The following PARP12 variants were observed in gnomAD, a reference collection of about 807,000 sequenced individuals.
The protein encoded by PARP12 is poly(ADP-ribose) polymerase family member 12, also known as protein mono-ADP-ribosyltransferase PARP12.
Under a neutral mutation model 72.4 loss-of-function variants are expected in PARP12, and 59 were observed. That is an observed-to-expected ratio of 0.81 (90% CI 0.66 to 1.01). The LOEUF (loss-of-function observed/expected upper bound fraction) is 1.01. Among genes scored for constraint, PARP12 ranks in the 50% least tolerant of loss-of-function variants. The pLI is 0.00. For missense variants in PARP12, 851 were observed against 914.0 expected (o/e 0.93, Z 0.89); for synonymous variants, 403 against 371.4 (o/e 1.09, Z -0.98).
intron 6 of PARP12, among the ~76,000 whole-genome samples, chr7:140,040,901 G>A (rs1362520713): frequency 6.6e-6 from 1 of 152,170 alleles, no homozygotes; most frequent in Non-Finnish European, 1.5e-5. Context: ...CCGAGTAGCT[G>A]GGACCACAGG....
Position 140,062,730 on chromosome 7 carries a change from C to A in PARP12, c.118G>T (p.Glu40Ter). ...CGCCCACGCTGCCGCAGCAGCCGCT[C>A]CAGCGCGTCGGCGCTCAAGCCCATC... ...LRMGLSADAL[E>*]RLLRQRGRFV... is the part of the protein sequence containing the mutation. Residue 40 changes from glutamate to a stop codon, truncating the protein, a stop_gained, in exon 1 of 12, where the codon GAG becomes TAG. Coordinates refer to ENST00000263549, the MANE Select transcript of PARP12 (RefSeq NM_022750.4). LOFTEE classifies it high-confidence loss of function. 7.3e-7 allele frequency: 1 copy of A among 1,362,656 alleles called. No homozygotes were observed. Among genetic ancestry groups the A allele is most frequent in the Non-Finnish European group, 9.5e-7 (1 of 1,051,064 alleles). 84.4% of individuals were successfully genotyped at this position (1,362,656 alleles called of 1,614,324 possible).
At chr7:140,027,128 G>T in intron 10 of PARP12, 148 bp downstream of exon 10, 1 of 1,133,594 alleles carries the variant, frequency 8.8e-7, no homozygotes. Context: ...TGGGGGAGCG[G>T]ACGAAGGAGA....
Position 140,046,866 on chromosome 7 carries a change from A to C in PARP12, c.986+18T>G, listed in dbSNP as rs956994817. 3.1e-6 allele frequency: 5 copies of C among 1,609,162 alleles called. No homozygotes were observed. The highest frequency in any genetic ancestry group is 4.2e-6 in the Non-Finnish European group (5 of 1,177,454). ...AGAAGCCCAGGCACAAAGCAGAGAC[A>C]AGGGACATATTTCCTACCTTTCTAT... On this transcript the variant is annotated intron_variant, in intron 5 of 11. Transcript: ENST00000263549.
intron 8 of PARP12, among the ~76,000 whole-genome samples, chr7:140,030,267 T>C (rs534513322): frequency 2.6e-5 from 4 of 152,302 alleles, no homozygotes; most frequent in East Asian, 1.9e-4. Context: ...CAAAATTCTA[T>C]ACCCAGTGAA....
chr7:140,041,219 C>G (rs1161245049), intron 6 of PARP12, among the ~76,000 whole-genome samples: 1 of 152,232 alleles, frequency 6.6e-6, no homozygotes. Context: ...TATTTGCCTA[C>G]CTTCTGTAAA....
rs374106508 is a variant in PARP12, at chr7:140,038,054, T to C, written c.1183-198A>G. On this transcript the variant is annotated intron_variant, in intron 6 of 11. Transcript: ENST00000263549. ...ACATGACTGTCTCCTGAAGCTGCCC[T>C]AGCAAACACAATGCAGTAAATATGG... The C allele has an allele frequency of 1.2e-5, 12 of 985,368 alleles. No individual in the cohort carries two copies. The East Asian group carries it at 1.4e-3, about 112-fold the overall frequency. 61.0% of individuals were successfully genotyped at this position (985,368 alleles called of 1,614,324 possible).
intron 7 of PARP12, 182 bp from the exon 8 acceptor site, chr7:140,034,513 T>C (rs1816075638): frequency 2.2e-6 from 1 of 460,822 alleles, no homozygotes; most frequent in Admixed American, 3.5e-5. Context: ...AGAAAATAGG[T>C]ATCCTTAGGA....
At chr7:140,032,467 G>A (rs551758127) in intron 8 of PARP12, among the ~76,000 whole-genome samples, 45 of 152,022 alleles carry the variant, frequency 3.0e-4, no homozygotes, top group Admixed American at 8.5e-4. Flanking sequence ...GTGCACCACC[G>A]CACCTGGCCA....
intron 4 of PARP12, 53 bp downstream of exon 4, chr7:140,054,609 G>C (rs1817105072): frequency 1.4e-6 from 2 of 1,408,666 alleles, no homozygotes; most frequent in African/African-American, 1.4e-5. Context: ...CTCTGGGAAT[G>C]ACAAGCAGTT....
In PARP12 at chr7:140,035,971, CGAGGAG is replaced by C. The variant is rs1164850035; in HGVS notation, c.1325-1646_1325-1641del. Among the ~76,000 whole-genome samples, 62 of 20,242 alleles carry C rather than the reference CGAGGAG, an allele frequency of 3.1e-3. 12 individuals carry two copies. Among genetic ancestry groups the C allele is most frequent in the Middle Eastern group, 0.038 (1 of 26 alleles). The allele number at this position is 20,242 out of a possible 152,430, so 13.3% of individuals were successfully genotyped here. On this transcript the variant is annotated intron_variant, in intron 7 of 11. Coordinates refer to ENST00000263549, the MANE Select transcript of PARP12 (RefSeq NM_022750.4). ...AGGAGGACGAGGAGGAGGAGGAGGA[CGAGGAG>C]GAGGAGGAGGAGGAGGAGGAGGAGA... is the stretch of plus-strand genomic sequence containing the variant.
chr7:140,057,852 GA>G (rs770076846), intron 2 of PARP12, 46 bp downstream of exon 2: 34 of 1,609,750 alleles, frequency 2.1e-5, no homozygotes, highest in Non-Finnish European at 2.9e-5. Flanking sequence ...CAAGACACAG[GA>G]ATGTCCCCAG....
Position 140,041,841 on chromosome 7 carries a change from T to C in PARP12, c.987-2A>G. ...CTGGCTGACTCAGAGCACAGGATCC[T>C]ACAGAAGAAAAACAGCAGCAGACTG... On this transcript the variant is annotated splice_acceptor_variant, in intron 5 of 11. Transcript: ENST00000263549. LOFTEE classifies it high-confidence loss of function. The C allele has an allele frequency of 1.9e-6, 3 of 1,607,646 alleles. No homozygotes were observed. The highest frequency in any genetic ancestry group is 2.6e-6 in the Non-Finnish European group (3 of 1,175,642).
At position 140,046,864 on chromosome 7, in the gene PARP12, A is replaced by G. The variant is rs575870034; in HGVS notation, c.986+20T>C. ...ACAGAAGCCCAGGCACAAAGCAGAG[A>G]CAAGGGACATATTTCCTACCTTTCT... On this transcript the variant is annotated intron_variant, in intron 5 of 11. Coordinates refer to ENST00000263549, the MANE Select transcript of PARP12 (RefSeq NM_022750.4). The G allele has an allele frequency of 3.7e-6, 6 of 1,607,756 alleles. No homozygotes were observed. Among genetic ancestry groups the G allele is most frequent in the Non-Finnish European group, 5.1e-6 (6 of 1,176,742 alleles).
rs74819488 is a variant in PARP12 at position 140,038,063 on chromosome 7, C to T, written c.1183-207G>A. ...TCTCCTGAAGCTGCCCTAGCAAACA[C>T]AATGCAGTAAATATGGGTCCTGCTG... On this transcript the variant is annotated intron_variant, in intron 6 of 11. Coordinates refer to ENST00000263549, the MANE Select transcript of PARP12 (RefSeq NM_022750.4). The T allele has an allele frequency of 1.6e-3, 1,543 of 985,334 alleles. 20 individuals carry two copies. The African/African-American group carries it at 0.025, about 16-fold the overall frequency. The allele number at this position is 985,334 out of a possible 1,614,324, so 61.0% of individuals were successfully genotyped here.
chr7:140,058,187 G>T (rs190654683), intron 1 of PARP12, among the ~76,000 whole-genome samples, 153 bp from the exon 2 acceptor site: 34 of 152,206 alleles, frequency 2.2e-4, no homozygotes, highest in African/African-American at 8.2e-4. Context: ...CCATAGGGTG[G>T]GCCCCAAACC....
chr7:140,045,413 G>T (rs550578071), intron 5 of PARP12, among the ~76,000 whole-genome samples: 19 of 152,256 alleles, frequency 1.2e-4, no homozygotes, highest in Non-Finnish European at 2.5e-4. Context: ...TTGTGACGTA[G>T]AAACTATTAT....
chr7:140,045,371 G>A (rs979212468), intron 5 of PARP12, among the ~76,000 whole-genome samples: 1 of 152,176 alleles, frequency 6.6e-6, no homozygotes, highest in African/African-American at 2.4e-5. Context: ...AGTGTTTTAT[G>A]CATATTAACT....
chr7:140,058,159 A>T (rs1817269389), intron 1 of PARP12, 125 bp from the exon 2 acceptor site: 1 of 1,111,412 alleles, frequency 9.0e-7, no homozygotes, highest in South Asian at 1.5e-5. Flanking sequence ...TAAAGAGGTA[A>T]TTAAGTTAAA....
At chr7:140,033,867 T>C (rs1816039511) in intron 8 of PARP12, 1 of 993,132 alleles carries the variant, frequency 1.0e-6, no homozygotes, top group Non-Finnish European at 1.2e-6. Context: ...TTTATTGGTG[T>C]AATTCCATCA....
Sources: allele counts gnomAD v4.1 joint callset (sites outside exome capture counted in the v4.1 genomes callset), GRCh38; gene constraint gnomAD v4.1.1; transcripts MANE v1.5; gene names NCBI Gene and HGNC (gene_info 2026-07-23, HGNC 2026-07-21).